CCDC3: variants seen among roughly 807,000 people sequenced by gnomAD.
The protein encoded by CCDC3 is coiled-coil domain containing 3.
A neutral mutation model predicts 21.4 loss-of-function variants in CCDC3; 24 were observed. The ratio of observed to expected loss-of-function variants is 1.12; its 90% CI spans 0.81 to 1.58. The LOEUF is 1.58. Among genes scored for constraint, CCDC3 ranks in the 40% most tolerant of loss-of-function variants. CCDC3 has a pLI of 0.00. For synonymous variants in CCDC3, 186 were observed against 166.0 expected (o/e 1.12, Z -0.93); for missense variants, 425 against 360.9 (o/e 1.18, Z -1.44).
intron 2 of CCDC3, among the ~76,000 whole-genome samples, chr10:12,953,537 A>G (rs1835040377): frequency 6.6e-6 from 1 of 152,260 alleles, no homozygotes; most frequent in Non-Finnish European, 1.5e-5. Context: ...ATTGTGTTTG[A>G]ACAGGCATGC....
rs1034462609 is a variant in CCDC3, at chr10:13,060,865, T to A, written c.-269-10924A>T. Among the ~76,000 whole-genome samples the A allele has an allele frequency of 4.6e-5, 7 of 152,120 alleles. 1 individual carries two copies. Among genetic ancestry groups the A allele is most frequent in the African/African-American group, 1.7e-4 (7 of 41,428 alleles). On this transcript the variant is annotated intron_variant, in intron 4 of 6. Coordinates refer to the CCDC3 transcript ENST00000378839. ...GTTACTGGATTTGACAATAAAAATA[T>A]CATTTGTGAGTTTTATAATAGCAAT...
At chr10:13,073,382 C>G (rs1267058707) in intron 4 of CCDC3, among the ~76,000 whole-genome samples, 1 of 148,950 alleles carries the variant, frequency 6.7e-6, no homozygotes, top group Non-Finnish European at 1.5e-5. Flanking sequence ...TGCACAGACA[C>G]AGGGAACTGT....
At chr10:12,908,886 C>A (rs1254731212) in intron 2 of CCDC3, among the ~76,000 whole-genome samples, 1 of 152,180 alleles carries the variant, frequency 6.6e-6, no homozygotes, top group Non-Finnish European at 1.5e-5. Flanking sequence ...ACCACGGCGC[C>A]TGGCCAGAAC....
At chr10:13,019,100 G>A (rs982541485) in intron 5 of CCDC3, among the ~76,000 whole-genome samples, 2 of 152,158 alleles carry the variant, frequency 1.3e-5, no homozygotes, top group African/African-American at 4.8e-5. Context: ...CGGGCGTGGT[G>A]GCAGGCTCCT....
At chr10:12,927,614 C>T (rs560430112) in intron 2 of CCDC3, among the ~76,000 whole-genome samples, 131 of 152,216 alleles carry the variant, frequency 8.6e-4, no homozygotes, top group Middle Eastern at 6.8e-3. Flanking sequence ...GACTAAACAT[C>T]TCTTCTAGAA....
intron 2 of CCDC3, among the ~76,000 whole-genome samples, chr10:12,926,003 A>G (rs755254): frequency 1.3e-5 from 2 of 152,162 alleles, no homozygotes; most frequent in Non-Finnish European, 2.9e-5. Context: ...GGTACTTGAG[A>G]TGCTATGCCC....
intron 2 of CCDC3, among the ~76,000 whole-genome samples, chr10:12,962,370 C>T (rs1022127365): frequency 2.0e-5 from 3 of 152,098 alleles, no homozygotes; most frequent in Non-Finnish European, 4.4e-5. Flanking sequence ...TTTGGGAGGC[C>T]GAGGCAGGCG....
intron 2 of CCDC3, among the ~76,000 whole-genome samples, chr10:12,962,432 G>A (rs1344556446): frequency 1.3e-5 from 2 of 152,134 alleles, no homozygotes; most frequent in South Asian, 2.1e-4. Flanking sequence ...GTGAAACCCT[G>A]TCTCTACTAA....
chr10:13,019,075 T>G (rs1456551637), intron 5 of CCDC3, among the ~76,000 whole-genome samples: 1 of 151,436 alleles, frequency 6.6e-6, no homozygotes. Flanking sequence ...CTACTAAAAA[T>G]ACAAAAAAAT....
At chr10:12,953,504 G>A (rs1308410766) in intron 2 of CCDC3, among the ~76,000 whole-genome samples, 2 of 152,232 alleles carry the variant, frequency 1.3e-5, no homozygotes, top group Non-Finnish European at 2.9e-5. Flanking sequence ...AGAAGCAAAA[G>A]GAAAACAGAA....
intron 2 of CCDC3, among the ~76,000 whole-genome samples, chr10:12,902,891 G>A (rs916114902): frequency 3.3e-5 from 5 of 152,168 alleles, no homozygotes; most frequent in African/African-American, 1.2e-4. Flanking sequence ...ACAGAGGGAC[G>A]CCTTGAAGTG....
At chr10:13,065,063 G>A (rs760749152) in intron 4 of CCDC3, among the ~76,000 whole-genome samples, 3 of 152,178 alleles carry the variant, frequency 2.0e-5, no homozygotes, top group Non-Finnish European at 4.4e-5. Context: ...CAAGATTTCC[G>A]AGATTTATTT....
chr10:13,069,667 A>T (rs1400138045), intron 4 of CCDC3, among the ~76,000 whole-genome samples: 1 of 152,224 alleles, frequency 6.6e-6, no homozygotes. Context: ...ATGTTTAAGT[A>T]CATTGGATTG....
chr10:13,083,098 C>T (rs1440055304), intron 3 of CCDC3, among the ~76,000 whole-genome samples: 4 of 152,086 alleles, frequency 2.6e-5, no homozygotes, highest in Non-Finnish European at 5.9e-5. Context: ...TCCTTGGAGA[C>T]TTAACAAGCA....
At chr10:13,095,658 G>A (rs1832621695) in intron 3 of CCDC3, among the ~76,000 whole-genome samples, 1 of 152,196 alleles carries the variant, frequency 6.6e-6, no homozygotes, top group Non-Finnish European at 1.5e-5. Flanking sequence ...GTTCCTGAGA[G>A]GCCACAGGCC....
intron 2 of CCDC3, among the ~76,000 whole-genome samples, chr10:12,989,724 A>G (rs1375707339): frequency 2.6e-5 from 4 of 152,048 alleles, no homozygotes; most frequent in African/African-American, 9.7e-5. Context: ...ACCTGGCCCC[A>G]GCACCCTTTT....
chr10:12,927,540 C>A (rs1834563746), intron 2 of CCDC3, among the ~76,000 whole-genome samples: 1 of 151,922 alleles, frequency 6.6e-6, no homozygotes, highest in African/African-American at 2.4e-5. Context: ...TTTGTAAAGC[C>A]ACTGATTTCT....
chr10:13,013,175 C>T (rs1836004345), intron 5 of CCDC3, among the ~76,000 whole-genome samples: 1 of 152,174 alleles, frequency 6.6e-6, no homozygotes, highest in Non-Finnish European at 1.5e-5. Flanking sequence ...GGAGCAGTAA[C>T]ACTCCAAAAG....
intron 3 of CCDC3, among the ~76,000 whole-genome samples, chr10:13,091,542 G>A (rs1174258331): frequency 6.6e-6 from 1 of 152,084 alleles, no homozygotes; most frequent in African/African-American, 2.4e-5. Flanking sequence ...TCTGTTTATG[G>A]TATTTTGTTA....
Sources: gnomAD v4.1 joint callset for allele counts (sites outside exome capture counted in the v4.1 genomes callset) on GRCh38, gnomAD v4.1.1 for gene constraint, MANE v1.5 for transcripts, NCBI Gene and HGNC (gene_info 2026-07-23, HGNC 2026-07-21) for gene names.